The following PEBP4 variants were observed in gnomAD, a reference collection of about 807,000 sequenced individuals.
The protein encoded by PEBP4 is phosphatidylethanolamine binding protein 4.
A neutral mutation model predicts 23.9 loss-of-function variants in PEBP4; 22 were observed. The ratio of observed to expected loss-of-function variants is 0.92; its 90% CI spans 0.66 to 1.31. The LOEUF is 1.31. PEBP4 is among the 40% of genes most tolerant of loss of function. The pLI, the probability that PEBP4 is intolerant of heterozygous loss-of-function variation, is 0.00. For missense variants in PEBP4, 324 were observed against 281.7 expected (o/e 1.15, Z -1.07); for synonymous variants, 112 against 99.3 (o/e 1.13, Z -0.76).
At chr8:22,882,035 G>A (rs1808268855) in intron 3 of PEBP4, among the ~76,000 whole-genome samples, 1 of 152,186 alleles carries the variant, frequency 6.6e-6, no homozygotes, top group Non-Finnish European at 1.5e-5. Flanking sequence ...ATGATACCTG[G>A]GAGGCTTCTC....
intron 3 of PEBP4, among the ~76,000 whole-genome samples, chr8:22,866,933 G>A (rs1420227347): frequency 6.6e-6 from 1 of 152,178 alleles, no homozygotes; most frequent in Non-Finnish European, 1.5e-5. Flanking sequence ...TGGGGAAGGG[G>A]ACCCCAGGAA....
At chr8:22,806,771 C>T (rs1282131704) in intron 4 of PEBP4, among the ~76,000 whole-genome samples, 1 of 152,222 alleles carries the variant, frequency 6.6e-6, no homozygotes, top group Admixed American at 6.5e-5. Flanking sequence ...CCTACCACAA[C>T]AGTCATTGAA....
chr8:22,752,016 C>G (rs1186752140), intron 4 of PEBP4, among the ~76,000 whole-genome samples: 2 of 152,212 alleles, frequency 1.3e-5, no homozygotes, highest in Non-Finnish European at 2.9e-5. Context: ...CCTACCTCAG[C>G]CTCCCGAGTA....
At chr8:22,759,365 T>A (rs563348410) in intron 4 of PEBP4, among the ~76,000 whole-genome samples, 5 of 151,860 alleles carry the variant, frequency 3.3e-5, no homozygotes, top group Non-Finnish European at 7.4e-5. Context: ...TTTTTTTTTT[T>A]TCCTCAACAA....
intron 3 of PEBP4, among the ~76,000 whole-genome samples, chr8:22,877,599 G>A (rs780865823): frequency 3.3e-5 from 5 of 152,140 alleles, no homozygotes; most frequent in Admixed American, 6.5e-5. Flanking sequence ...TGTTGGCAGC[G>A]GGGAGGAGGC....
At chr8:22,833,972 G>T (rs907926729) in intron 3 of PEBP4, among the ~76,000 whole-genome samples, 2 of 152,172 alleles carry the variant, frequency 1.3e-5, no homozygotes, top group African/African-American at 4.8e-5. Flanking sequence ...CTACAACCCA[G>T]ATTTCTCCCC....
intron 3 of PEBP4, among the ~76,000 whole-genome samples, chr8:22,837,890 C>CTTT (rs746772591): frequency 1.2e-4 from 8 of 64,552 alleles, no homozygotes; most frequent in Admixed American, 4.2e-4. Flanking sequence ...TTATTATATT[C>CTTT]TTTTTTTTTT....
At chr8:22,791,410 T>C (rs780233923) in intron 4 of PEBP4, among the ~76,000 whole-genome samples, 1 of 152,152 alleles carries the variant, frequency 6.6e-6, no homozygotes, top group Non-Finnish European at 1.5e-5. Context: ...AAATTTTAAT[T>C]TGGTAGCTTT....
At chr8:22,884,471 G>GTT (rs1401225256) in intron 3 of PEBP4, 1 of 152,200 alleles carries the variant, frequency 6.6e-6, no homozygotes, top group Non-Finnish European at 1.5e-5. Flanking sequence ...GGATGGCACG[G>GTT]TTCACCTGGC....
intron 4 of PEBP4, among the ~76,000 whole-genome samples, chr8:22,781,323 ACT>A (rs1805910327): frequency 4.1e-5 from 6 of 145,430 alleles, no homozygotes; most frequent in Admixed American, 4.1e-4. Context: ...GCTGGTGGAA[ACT>A]CCCGAGGCAG....
intron 3 of PEBP4, among the ~76,000 whole-genome samples, chr8:22,837,890 CTTTTT>C (rs746772591): frequency 4.6e-5 from 3 of 64,566 alleles, no homozygotes; most frequent in East Asian, 1.3e-3. Context: ...TTATTATATT[CTTTTT>C]TTTTTTTTTT....
chr8:22,724,559 C>T (rs1804584445), intron 6 of PEBP4, among the ~76,000 whole-genome samples: 1 of 152,238 alleles, frequency 6.6e-6, no homozygotes. Flanking sequence ...ACTCTTCTCC[C>T]TGGCTGCAGT....
At chr8:22,751,077 A>G (rs1033061797) in intron 4 of PEBP4, among the ~76,000 whole-genome samples, 4 of 152,184 alleles carry the variant, frequency 2.6e-5, no homozygotes, top group African/African-American at 9.7e-5. Context: ...CGGCTCCAAC[A>G]CACCTTCTTT....
At chr8:22,879,618 C>T (rs779618623) in intron 3 of PEBP4, among the ~76,000 whole-genome samples, 2 of 152,176 alleles carry the variant, frequency 1.3e-5, no homozygotes, top group Non-Finnish European at 2.9e-5. Flanking sequence ...GGACTACCAC[C>T]GGGCTATTGT....
intron 3 of PEBP4, among the ~76,000 whole-genome samples, chr8:22,838,706 T>C (rs1807260452): frequency 6.6e-6 from 1 of 152,266 alleles, no homozygotes; most frequent in Non-Finnish European, 1.5e-5. Context: ...CTGCCAGGCC[T>C]GGCGCTGAGC....
At chr8:22,808,249 A>ATCCC (rs71206550) in intron 4 of PEBP4, among the ~76,000 whole-genome samples, 3,639 of 151,278 alleles carry the variant, frequency 0.024, 57 homozygotes, top group Admixed American at 0.037. Context: ...CCATCCATCC[A>ATCCC]TCCCTCCATC....
chr8:22,753,039 C>T (rs770541148), intron 4 of PEBP4, among the ~76,000 whole-genome samples: 2 of 152,178 alleles, frequency 1.3e-5, no homozygotes, highest in Non-Finnish European at 2.9e-5. Flanking sequence ...AATCAGATTC[C>T]TCACTTGCCT....
At position 22,844,712 on chromosome 8, in the gene PEBP4, G is replaced by A. The variant is rs776786168; in HGVS notation, c.259-26977C>T. Among the ~76,000 whole-genome samples the A allele has an allele frequency of 4.5e-4, 69 of 152,164 alleles. 1 individual carries two copies. Among genetic ancestry groups the A allele is most frequent in the Admixed American group, 2.8e-3 (43 of 15,290 alleles). The stretch of plus-strand genomic sequence containing the variant: ...TTCAGGGAGAGACCACTCCTTCCTA[G>A]CCAAGGACTTCAGAGGTGTGCCCTG... On this transcript the variant is annotated intron_variant, in intron 3 of 6. Transcript: ENST00000256404.
intron 3 of PEBP4, among the ~76,000 whole-genome samples, chr8:22,833,045 C>T (rs915027770): frequency 1.3e-5 from 2 of 152,210 alleles, no homozygotes; most frequent in Admixed American, 6.5e-5. Flanking sequence ...CCTGTCTCAC[C>T]CATTCCTTCT....
Sources: gnomAD v4.1 joint callset for allele counts (sites outside exome capture counted in the v4.1 genomes callset) on GRCh38, gnomAD v4.1.1 for gene constraint, MANE v1.5 for transcripts, NCBI Gene and HGNC (gene_info 2026-07-23, HGNC 2026-07-21) for gene names.